Variants in SRRM4 observed in about 807,000 individuals in gnomAD.
SRRM4 encodes serine/arginine repetitive matrix protein 4.
A neutral mutation model predicts 68.9 loss-of-function variants in SRRM4; 33 were observed. That is an observed-to-expected ratio of 0.48 (90% CI 0.36 to 0.64). The LOEUF is 0.64. SRRM4 is among the 30% of genes least tolerant of loss of function. SRRM4 has a pLI of 0.00. For synonymous variants in SRRM4, 318 were observed against 318.8 expected (o/e 1.00, Z 0.03); for missense variants, 817 against 827.1 (o/e 0.99, Z 0.15).
intron 1 of SRRM4, among the ~76,000 whole-genome samples, chr12:119,029,665 A>C (rs146671036): frequency 1.3e-5 from 2 of 152,330 alleles, no homozygotes; most frequent in Admixed American, 6.5e-5. Flanking sequence ...TTTCTCAGGG[A>C]AAGAAAATGT....
chr12:119,117,713 A>T (rs916240319), intron 4 of SRRM4, among the ~76,000 whole-genome samples: 2 of 152,164 alleles, frequency 1.3e-5, no homozygotes, highest in African/African-American at 4.8e-5. Context: ...GGAGGTCGAG[A>T]CCATCCTGGC....
intron 9 of SRRM4, among the ~76,000 whole-genome samples, chr12:119,149,769 G>A (rs1954427559): frequency 6.6e-6 from 1 of 152,198 alleles, no homozygotes; most frequent in Admixed American, 6.5e-5. Flanking sequence ...CTGGAGTCAG[G>A]AGAGGAAAGA....
At chr12:118,983,947 C>T (rs1345207583) in intron 1 of SRRM4, among the ~76,000 whole-genome samples, 6 of 152,098 alleles carry the variant, frequency 3.9e-5, no homozygotes, top group South Asian at 2.1e-4. Flanking sequence ...CTTTTAATGT[C>T]GTGGGTCTCC....
intron 1 of SRRM4, among the ~76,000 whole-genome samples, chr12:119,040,706 C>T (rs113160461): frequency 6.6e-6 from 1 of 151,928 alleles, no homozygotes; most frequent in Non-Finnish European, 1.5e-5. Context: ...AGGGTAGATA[C>T]CCAGTAGTGG....
chr12:119,110,245 T>C (rs1371040323), intron 2 of SRRM4, among the ~76,000 whole-genome samples: 2 of 152,094 alleles, frequency 1.3e-5, no homozygotes, highest in African/African-American at 4.8e-5. Context: ...TACTGGGAGG[T>C]GCCTCCCAGT....
intron 1 of SRRM4, among the ~76,000 whole-genome samples, chr12:119,071,770 A>C (rs1953879324): frequency 6.6e-6 from 1 of 152,164 alleles, no homozygotes; most frequent in South Asian, 2.1e-4. Context: ...GAGATTCATC[A>C]TGCCGCACGC....
At chr12:118,998,550 C>T (rs1953364115) in intron 1 of SRRM4, among the ~76,000 whole-genome samples, 1 of 152,202 alleles carries the variant, frequency 6.6e-6, no homozygotes, top group Non-Finnish European at 1.5e-5. Context: ...ATTTACTACG[C>T]TGTTGGTGCC....
Position 119,160,380 on chromosome 12 carries a change from C to T in SRRM4, c.*3582C>T, listed in dbSNP as rs1204685535. 6.6e-6 allele frequency: 1 copy of T among 151,202 alleles called. No individual in the cohort carries two copies. The highest frequency in any genetic ancestry group is 2.0e-4 in the East Asian group (1 of 5,120). 9.4% of individuals were successfully genotyped at this position (151,202 alleles called of 1,614,324 possible). ...TTTTTTTCTATCCAAAAACAATGTG[C>T]TTGTTGAGGCACTGGTAACCCTGAT... On this transcript the variant is annotated 3_prime_UTR_variant, in exon 13 of 13. Transcript: ENST00000267260.
intron 1 of SRRM4, among the ~76,000 whole-genome samples, chr12:119,081,499 AG>A (rs1953947431): frequency 6.6e-6 from 1 of 152,174 alleles, no homozygotes; most frequent in African/African-American, 2.4e-5. Flanking sequence ...GGAGAGAACA[AG>A]GGGAAAGGAG....
At chr12:119,004,923 CT>C (rs1447617716) in intron 1 of SRRM4, among the ~76,000 whole-genome samples, 1 of 150,734 alleles carries the variant, frequency 6.6e-6, no homozygotes, top group Admixed American at 6.6e-5. Flanking sequence ...AGGCTCCCCG[CT>C]CCACTATTAT....
intron 1 of SRRM4, among the ~76,000 whole-genome samples, chr12:119,008,833 G>C (rs1953431346): frequency 6.6e-6 from 1 of 151,886 alleles, no homozygotes; most frequent in Admixed American, 6.6e-5. Context: ...AATTGATACG[G>C]AGTTTCCCCC....
In SRRM4 at chr12:119,156,627, G is replaced by C. The variant is rs1344696257; in HGVS notation, c.1665G>C (p.Arg555=). The C allele has an allele frequency of 1.3e-6, 2 of 1,599,272 alleles. No individual in the cohort carries two copies. The highest frequency in any genetic ancestry group is 3.4e-5 in the Admixed American group (2 of 58,744). Residue 555 remains arginine (R), a synonymous_variant, in exon 13 of 13, where the codon CGG becomes CGC. Transcript: ENST00000267260. ...ASRSYSRSRS[R]SRSRRRSRTR... Reference sequence around the variant, plus strand: ...GCAGCTACTCCCGGAGCCGGAGTCGGAGCCGGAGCCGGAGACGGAGCCGGA... The same window carrying C: ...GCAGCTACTCCCGGAGCCGGAGTCGCAGCCGGAGCCGGAGACGGAGCCGGA...
At chr12:119,033,310 T>C (rs929751083) in intron 1 of SRRM4, among the ~76,000 whole-genome samples, 2 of 152,234 alleles carry the variant, frequency 1.3e-5, no homozygotes, top group African/African-American at 2.4e-5. Flanking sequence ...TGAAATGTTT[T>C]AAATAAAACC....
intron 2 of SRRM4, among the ~76,000 whole-genome samples, chr12:119,103,631 G>GAA (rs1473008549): frequency 3.9e-5 from 6 of 152,206 alleles, no homozygotes; most frequent in Admixed American, 3.9e-4. Flanking sequence ...TTCTCCCAAG[G>GAA]AAACAGGAAG....
At chr12:119,100,825 G>A (rs1312239902) in intron 1 of SRRM4, among the ~76,000 whole-genome samples, 1 of 152,196 alleles carries the variant, frequency 6.6e-6, no homozygotes, top group Non-Finnish European at 1.5e-5. Flanking sequence ...AACCCCCATA[G>A]GAGGGAGGTT....
intron 1 of SRRM4, among the ~76,000 whole-genome samples, chr12:119,030,101 G>A (rs2136005626): frequency 6.6e-6 from 1 of 152,290 alleles, no homozygotes; most frequent in East Asian, 1.9e-4. Flanking sequence ...AAGGGCAGAG[G>A]TAACTGAAAT....
In SRRM4 at chr12:119,156,727, A is replaced by G. The variant is rs1337282679; in HGVS notation, c.1765A>G (p.Ser589Gly). The G allele has an allele frequency of 6.5e-7, 1 of 1,546,498 alleles. No individual in the cohort carries two copies. Among genetic ancestry groups the G allele is most frequent in the Non-Finnish European group, 8.7e-7 (1 of 1,146,264 alleles). ...CAGCCGGAGCCGGAGCAGGAGCCGG[A>G]GCCGGAGCCGGAGCAGGAGCCAGAG... is the stretch of plus-strand genomic sequence containing the variant. ...SRSRSRSRSR[S>G]RSRSRSQSRS... Residue 589 changes from serine to glycine, a missense_variant, in exon 13 of 13, where the codon AGC becomes GGC. By Grantham distance (56) the Ser-to-Gly change is moderately conservative (BLOSUM62 0). Transcript: ENST00000267260.
intron 4 of SRRM4, among the ~76,000 whole-genome samples, chr12:119,119,263 T>C (rs1565912535): frequency 6.6e-6 from 1 of 151,986 alleles, no homozygotes; most frequent in African/African-American, 2.4e-5. Context: ...TTTTAAAAAA[T>C]GATTTTTCAC....
At chr12:119,108,660 T>C (rs1199940730) in intron 2 of SRRM4, among the ~76,000 whole-genome samples, 6 of 151,976 alleles carry the variant, frequency 3.9e-5, no homozygotes, top group African/African-American at 1.5e-4. Context: ...TTTTTTTGTT[T>C]TCCATTTGCT....
Sources: allele counts gnomAD v4.1 joint callset (sites outside exome capture counted in the v4.1 genomes callset), GRCh38; gene constraint gnomAD v4.1.1; transcripts MANE v1.5; gene names NCBI Gene and HGNC (gene_info 2026-07-23, HGNC 2026-07-21).